The following IGSF10 variants were observed in gnomAD, a reference collection of about 807,000 sequenced individuals.
The protein encoded by IGSF10 is immunoglobulin superfamily member 10.
A neutral mutation model predicts 128.2 loss-of-function variants in IGSF10; 126 were observed. The observed-to-expected ratio is 0.98, with a 90% CI of 0.85 to 1.14. The LOEUF (loss-of-function observed/expected upper bound fraction) is 1.14. Ranked by LOEUF, IGSF10 falls within the 50% of genes most tolerant of loss-of-function variation. The pLI is 0.00. For synonymous variants in IGSF10, 1,185 were observed against 1,146.2 expected (o/e 1.03, Z -0.68); for missense variants, 3,295 against 3,149.8 (o/e 1.05, Z -1.10).
Position 151,438,515 on chromosome 3 carries a change from A to C in IGSF10, c.6046T>G (p.Cys2016Gly). ...TCCCCCATTTTGTTTCTTGCCACAC[A>C]CAAGTAGACACCACTGTCTTTTTCT... Reference protein sequence around the residue: ...VTEKDSGVYLCVARNKMGDDL... With the variant: ...VTEKDSGVYLGVARNKMGDDL... The change falls in exon 8 of 8, where the codon TGT (cysteine) becomes GGT (glycine). Residue 2016 changes from cysteine (C) to glycine (G), a missense_variant. Cys to Gly is a radical substitution (Grantham distance 159). Coordinates refer to ENST00000282466, the MANE Select transcript of IGSF10 (RefSeq NM_178822.5). 1 of 1,614,082 alleles carries C rather than the reference A, an allele frequency of 6.2e-7. No individual in the cohort carries two copies. Among genetic ancestry groups the C allele is most frequent in the Non-Finnish European group, 8.5e-7 (1 of 1,180,036 alleles).
At chr3:151,542,034 T>A in the IGSF10 span, among the ~76,000 whole-genome samples, 1 of 152,196 alleles carries the variant, frequency 6.6e-6, no homozygotes, top group Non-Finnish European at 1.5e-5. Context: ...TCTCCTCTCA[T>A]TCACGCTTAA....
At position 151,437,824 on chromosome 3, in the gene IGSF10, A is replaced by ACAGTT. The variant is rs1720497654; in HGVS notation, c.6732_6736dup (p.Val2246GlufsTer9). ...ATGTCTCACAGCTGTGGCTTTAATAACAGTTCTGTTTGTATACAGACCATT... is the reference window on the plus strand; with the variant it reads ...ATGTCTCACAGCTGTGGCTTTAATAACAGTTCAGTTCTGTTTGTATACAGACCATT... On this transcript the variant is annotated frameshift_variant, in exon 8 of 8. Coordinates refer to ENST00000282466, the MANE Select transcript of IGSF10 (RefSeq NM_178822.5). LOFTEE classifies it low-confidence loss of function (END_TRUNC). 6.2e-7 allele frequency: 1 copy of ACAGTT among 1,613,880 alleles called. No individual in the cohort carries two copies. Among genetic ancestry groups the ACAGTT allele is most frequent in the African/African-American group, 1.3e-5 (1 of 74,924 alleles).
chr3:151,514,586 G>C, the IGSF10 span, among the ~76,000 whole-genome samples: 1 of 152,126 alleles, frequency 6.6e-6, no homozygotes, highest in Non-Finnish European at 1.5e-5. Flanking sequence ...AACACCAAAA[G>C]CAATGGCAAC....
In IGSF10 at chr3:151,448,465, G is replaced by A; in HGVS notation, c.1516C>T (p.His506Tyr). The A allele has an allele frequency of 6.2e-7, 1 of 1,614,214 alleles. No homozygotes were observed. The highest frequency in any genetic ancestry group is 8.5e-7 in the Non-Finnish European group (1 of 1,180,020). ...CCATCAGCTAGAAGCCAATCCACGT[G>A]TGGGGTGGGGTCTCCTTGGCCTGGG... is the stretch of plus-strand genomic sequence containing the variant. ...NCPGQGDPTP[H>Y]VDWLLADGSK... The change falls in exon 6 of 8, where the codon CAC becomes TAC. Residue 506 changes from histidine (H) to tyrosine (Y), a missense_variant. Transcript: ENST00000282466.
the IGSF10 span, among the ~76,000 whole-genome samples, chr3:151,598,688 C>A: frequency 6.6e-6 from 1 of 152,168 alleles, no homozygotes; most frequent in East Asian, 1.9e-4. Flanking sequence ...TGTGTACATT[C>A]AGTATAGACA....
the IGSF10 span, among the ~76,000 whole-genome samples, chr3:151,510,663 T>C: frequency 1.6e-4 from 24 of 152,092 alleles, no homozygotes; most frequent in African/African-American, 5.3e-4. Flanking sequence ...ATCAAACTAC[T>C]CTGAGCTAAA....
the IGSF10 span, among the ~76,000 whole-genome samples, chr3:151,495,231 T>C: frequency 1.3e-5 from 2 of 152,306 alleles, no homozygotes; most frequent in East Asian, 3.9e-4. Context: ...AGCTGCAACC[T>C]GGGCAATTTA....
the IGSF10 span, among the ~76,000 whole-genome samples, chr3:151,561,582 T>C: frequency 1.3e-5 from 2 of 152,160 alleles, no homozygotes; most frequent in Non-Finnish European, 2.9e-5. Flanking sequence ...TATGTATATC[T>C]ATGTAATGAA....
rs112925290 is a variant in IGSF10 at position 151,450,073 on chromosome 3, T to A, written c.716-808A>T. 5.1e-3 allele frequency among the ~76,000 whole-genome samples: 780 copies of A among 152,308 alleles called. 6 individuals carry two copies. Among genetic ancestry groups the A allele is most frequent in the African/African-American group, 0.018 (737 of 41,568 alleles). ...GGGGAGGCTCATTAAAGGTCTGACATTCTGGCGAAGTCAGAGGTTGCAAGT... is the reference window on the plus strand; with the variant it reads ...GGGGAGGCTCATTAAAGGTCTGACAATCTGGCGAAGTCAGAGGTTGCAAGT... On this transcript the variant is annotated intron_variant, in intron 5 of 7. Coordinates refer to ENST00000282466, the MANE Select transcript of IGSF10 (RefSeq NM_178822.5).
chr3:151,553,744 T>G, the IGSF10 span, among the ~76,000 whole-genome samples: 5 of 151,834 alleles, frequency 3.3e-5, no homozygotes, highest in Non-Finnish European at 7.4e-5. Flanking sequence ...CAATGATACA[T>G]TCCTCAAGTT....
the IGSF10 span, among the ~76,000 whole-genome samples, chr3:151,483,476 T>C: frequency 6.6e-6 from 1 of 151,872 alleles, no homozygotes; most frequent in African/African-American, 2.4e-5. Context: ...TTATAGAAAA[T>C]TATCAAATCA....
chr3:151,443,926 G>A, intron 6 of IGSF10, 42 bp from the exon 7 acceptor site: 1 of 1,461,390 alleles, frequency 6.8e-7, no homozygotes, highest in Non-Finnish European at 9.3e-7. Flanking sequence ...GGTCATCAAA[G>A]TTTATTTAGA....
the IGSF10 span, among the ~76,000 whole-genome samples, chr3:151,571,566 AT>A: frequency 3.3e-5 from 5 of 152,090 alleles, no homozygotes; most frequent in African/African-American, 1.2e-4. Context: ...TTGCACATTG[AT>A]TTTGTATCCT....
the IGSF10 span, among the ~76,000 whole-genome samples, chr3:151,563,841 A>G: frequency 1.3e-5 from 2 of 152,214 alleles, no homozygotes; most frequent in African/African-American, 4.8e-5. Context: ...TAAATGCTTT[A>G]TAATAATTAA....
At chr3:151,553,568 G>A in the IGSF10 span, among the ~76,000 whole-genome samples, 1 of 151,448 alleles carries the variant, frequency 6.6e-6, no homozygotes, top group Non-Finnish European at 1.5e-5. Context: ...TTCTTATAAT[G>A]TATATCATGA....
chr3:151,493,785 T>A, the IGSF10 span, among the ~76,000 whole-genome samples: 1 of 152,106 alleles, frequency 6.6e-6, no homozygotes, highest in Non-Finnish European at 1.5e-5. Context: ...CATAATATGG[T>A]GTAAACCTCC....
At chr3:151,591,648 A>C in the IGSF10 span, among the ~76,000 whole-genome samples, 1 of 151,948 alleles carries the variant, frequency 6.6e-6, no homozygotes, top group Non-Finnish European at 1.5e-5. Flanking sequence ...GCTAAAGTGC[A>C]AAGTTCCTTC....
At chr3:151,512,841 T>C in the IGSF10 span, among the ~76,000 whole-genome samples, 1 of 152,110 alleles carries the variant, frequency 6.6e-6, no homozygotes, top group Non-Finnish European at 1.5e-5. Context: ...AACACCTCTA[T>C]GCAAATAAAC....
chr3:151,496,780 T>G, the IGSF10 span, among the ~76,000 whole-genome samples: 1 of 151,964 alleles, frequency 6.6e-6, no homozygotes, highest in Non-Finnish European at 1.5e-5. Flanking sequence ...GTTGAACTAG[T>G]TAACAGTCCC....
Sources: allele counts gnomAD v4.1 joint callset (sites outside exome capture counted in the v4.1 genomes callset), GRCh38; gene constraint gnomAD v4.1.1; transcripts MANE v1.5; gene names NCBI Gene and HGNC (gene_info 2026-07-23, HGNC 2026-07-21).